The following ADAMTSL3 variants were observed in gnomAD, a reference collection of about 807,000 sequenced individuals.
ADAMTSL3 encodes ADAMTS-like protein 3.
ADAMTSL3 carries 128 observed loss-of-function variants against 201.7 expected under a neutral mutation model. The ratio of observed to expected loss-of-function variants is 0.63; its 90% CI spans 0.55 to 0.73. The LOEUF (loss-of-function observed/expected upper bound fraction) is 0.73, where lower values mean the gene tolerates loss of function less well. Ranked by LOEUF, ADAMTSL3 falls within the 30% of genes least tolerant of loss-of-function variation. The pLI is 0.00. For missense variants in ADAMTSL3, 1,990 were observed against 2,119.6 expected, an observed-to-expected ratio of 0.94 and a Z score of 1.20; for synonymous variants, 738 against 748.4, an observed-to-expected ratio of 0.99 and a Z score of 0.23.
At chr15:83,929,501 T>C (rs1471675074) in intron 17 of ADAMTSL3, among the ~76,000 whole-genome samples, 1 of 152,158 alleles carries the variant, frequency 6.6e-6, no homozygotes, top group Non-Finnish European at 1.5e-5. Flanking sequence ...TAGGGCCTAC[T>C]CTAATGACCT....
At chr15:83,938,450 G>C (rs895413516) in intron 17 of ADAMTSL3, among the ~76,000 whole-genome samples, 1 of 152,184 alleles carries the variant, frequency 6.6e-6, no homozygotes, top group Non-Finnish European at 1.5e-5. Context: ...CTAGGCTAGA[G>C]CTATTTTATA....
intron 3 of ADAMTSL3, among the ~76,000 whole-genome samples, chr15:83,742,148 G>C (rs1427861928): frequency 6.6e-6 from 1 of 152,052 alleles, no homozygotes; most frequent in Non-Finnish European, 1.5e-5. Flanking sequence ...TTATCTTAAT[G>C]CAAAAATTAG....
chr15:83,985,930 G>A (rs902301219), intron 21 of ADAMTSL3, among the ~76,000 whole-genome samples: 2 of 151,936 alleles, frequency 1.3e-5, no homozygotes, highest in Non-Finnish European at 2.9e-5. Flanking sequence ...ACGCCTGGCC[G>A]TTAAGGACAT....
intron 6 of ADAMTSL3, among the ~76,000 whole-genome samples, chr15:83,822,679 CGGCCG>C (rs1567168244): frequency 6.7e-6 from 1 of 150,322 alleles, no homozygotes; most frequent in Non-Finnish European, 1.5e-5. Context: ...GATGGGATGG[CGGCCG>C]GGCAGAGACG....
intron 5 of ADAMTSL3, among the ~76,000 whole-genome samples, chr15:83,819,258 C>T (rs1292938812): frequency 2.3e-5 from 3 of 132,738 alleles, no homozygotes; most frequent in African/African-American, 2.7e-5. Flanking sequence ...AGTGACACTC[C>T]GTCTCAAAAA....
intron 3 of ADAMTSL3, among the ~76,000 whole-genome samples, chr15:83,751,494 C>A (rs2062635920): frequency 6.6e-6 from 1 of 152,016 alleles, no homozygotes; most frequent in Non-Finnish European, 1.5e-5. Flanking sequence ...GTAAGTCAAG[C>A]GTAAGAGGTG....
intron 3 of ADAMTSL3, among the ~76,000 whole-genome samples, chr15:83,770,542 G>C (rs2062964962): frequency 6.6e-6 from 1 of 151,992 alleles, no homozygotes; most frequent in Non-Finnish European, 1.5e-5. Flanking sequence ...TGATATATGT[G>C]TTTTTATTTT....
intron 17 of ADAMTSL3, among the ~76,000 whole-genome samples, chr15:83,935,551 A>G (rs75009306): frequency 6.0e-5 from 9 of 149,956 alleles, no homozygotes; most frequent in East Asian, 2.0e-4. Flanking sequence ...CCCAAACGGG[A>G]AAAAAAATAC....
At chr15:83,808,521 T>C (rs1034904199) in intron 5 of ADAMTSL3, among the ~76,000 whole-genome samples, 3 of 152,192 alleles carry the variant, frequency 2.0e-5, no homozygotes, top group African/African-American at 7.2e-5. Context: ...CCCTTATTGC[T>C]ATTAGTGGGA....
chr15:83,842,493 C>T (rs939425097), intron 7 of ADAMTSL3, among the ~76,000 whole-genome samples: 74 of 152,230 alleles, frequency 4.9e-4, no homozygotes, highest in African/African-American at 1.5e-3. Flanking sequence ...CTGCTGGGCA[C>T]GGAAGAAGCA....
intron 6 of ADAMTSL3, among the ~76,000 whole-genome samples, chr15:83,823,899 TTC>T: frequency 5.0e-5 from 1 of 20,022 alleles, no homozygotes; most frequent in Non-Finnish European, 1.6e-4. Flanking sequence ...CTTCCTCTTC[TTC>T]TTCTTCTTCT....
intron 14 of ADAMTSL3, among the ~76,000 whole-genome samples, chr15:83,899,302 C>T (rs2065676888): frequency 6.6e-6 from 1 of 151,974 alleles, no homozygotes; most frequent in South Asian, 2.1e-4. Flanking sequence ...AAAATGTGAC[C>T]AAAGATAGCA....
At chr15:83,724,742 C>A (rs1362786485) in intron 3 of ADAMTSL3, among the ~76,000 whole-genome samples, 2 of 152,018 alleles carry the variant, frequency 1.3e-5, no homozygotes, top group South Asian at 2.1e-4. Context: ...TACTGTGTAT[C>A]CCCATGAGTT....
At chr15:83,793,338 A>G (rs1483317706) in intron 4 of ADAMTSL3, among the ~76,000 whole-genome samples, 1 of 152,234 alleles carries the variant, frequency 6.6e-6, no homozygotes, top group Non-Finnish European at 1.5e-5. Flanking sequence ...AAGTATTATC[A>G]CCACAAAAAT....
rs752520410 is a variant in ADAMTSL3, at chr15:83,991,183, A to G, written c.3942A>G (p.Gly1314=). The change falls in exon 23 of 30, where the codon GGA becomes GGG. Residue 1314 remains glycine (G), a synonymous_variant. Coordinates refer to ENST00000286744, the MANE Select transcript of ADAMTSL3 (RefSeq NM_207517.3). ...VVGGIVEAAL[G]ANVTIRCPVK... is the part of the protein sequence containing the mutation. ...GAGGCATCGTGGAGGCAGCCCTTGG[A>G]GCAAACGTGACAATCCGATGTCCTG... 1 of 1,614,184 alleles carries G rather than the reference A, an allele frequency of 6.2e-7. No individual in the cohort carries two copies. Among genetic ancestry groups the G allele is most frequent in the East Asian group, 2.2e-5 (1 of 44,888 alleles).
In ADAMTSL3 at chr15:83,704,497, T is replaced by C; in HGVS notation, c.178T>C (p.Tyr60His). The C allele has an allele frequency of 6.2e-7, 1 of 1,614,218 alleles. No individual in the cohort carries two copies. Among genetic ancestry groups the C allele is most frequent in the Non-Finnish European group, 8.5e-7 (1 of 1,180,028 alleles). The stretch of plus-strand genomic sequence containing the variant: ...AGGGGAGCAGTTCCTCACTTATCGC[T>C]ATGATGACCAGGTAAGAACATTGGA... ...TTGEQFLTYRYDDQTSRNTRS... is the reference protein window; with the variant it reads ...TTGEQFLTYRHDDQTSRNTRS... The change falls in exon 3 of 30, where the codon TAT (tyrosine) becomes CAT (histidine). Residue 60 changes from tyrosine (Y) to histidine (H), a missense_variant. Tyr to His is a moderately conservative substitution (Grantham distance 83). Transcript: ENST00000286744.
chr15:83,810,848 C>T (rs2141882115), intron 5 of ADAMTSL3, among the ~76,000 whole-genome samples: 1 of 152,330 alleles, frequency 6.6e-6, no homozygotes, highest in Middle Eastern at 3.4e-3. Context: ...AAGCGATTCT[C>T]CTGCCTCAGC....
chr15:83,918,296 G>A (rs1226152206), intron 16 of ADAMTSL3, among the ~76,000 whole-genome samples: 1 of 152,172 alleles, frequency 6.6e-6, no homozygotes, highest in African/African-American at 2.4e-5. Context: ...TATGTGCCAG[G>A]CACTGGCCTA....
intron 5 of ADAMTSL3, among the ~76,000 whole-genome samples, chr15:83,812,769 GTAA>G (rs2063717635): frequency 6.6e-6 from 1 of 152,198 alleles, no homozygotes; most frequent in South Asian, 2.1e-4. Flanking sequence ...AACTGAAATA[GTAA>G]TAATAATAGT....
Sources: gnomAD v4.1 joint callset for allele counts (sites outside exome capture counted in the v4.1 genomes callset) on GRCh38, gnomAD v4.1.1 for gene constraint, MANE v1.5 for transcripts, NCBI Gene and HGNC (gene_info 2026-07-23, HGNC 2026-07-21) for gene names.